FAM135B: variants seen among roughly 807,000 people sequenced by gnomAD.
FAM135B encodes protein FAM135B.
FAM135B carries 43 observed loss-of-function variants against 127.7 expected under a neutral mutation model. That is an observed-to-expected ratio of 0.34 (90% CI 0.26 to 0.43). FAM135B has a LOEUF of 0.43. Ranked by LOEUF, FAM135B falls within the 20% of genes least tolerant of loss-of-function variation. The probability of loss-of-function intolerance (pLI) is 1.00; values close to 1 mark genes in which losing one functional copy is unlikely to be tolerated. For synonymous variants in FAM135B, 670 were observed against 665.1 expected, an observed-to-expected ratio of 1.01 and a Z score of -0.11; for missense variants, 1,558 against 1,725.6, an observed-to-expected ratio of 0.90 and a Z score of 1.72.
At chr8:138,251,104 C>T (rs1233942275) in intron 5 of FAM135B, 90 bp from the exon 6 acceptor site, 3 of 1,430,176 alleles carry the variant, frequency 2.1e-6, no homozygotes, top group Non-Finnish European at 2.9e-6. Flanking sequence ...CTCCATGGGC[C>T]AAGCACCATG....
chr8:138,165,489 T>C (rs936053284), intron 12 of FAM135B, among the ~76,000 whole-genome samples: 4 of 152,088 alleles, frequency 2.6e-5, no homozygotes, highest in Admixed American at 2.6e-4. Flanking sequence ...GGGACTGAGA[T>C]TCATATTCAC....
chr8:138,279,199 G>A (rs1824073411), intron 3 of FAM135B, among the ~76,000 whole-genome samples: 1 of 152,166 alleles, frequency 6.6e-6, no homozygotes, highest in African/African-American at 2.4e-5. Flanking sequence ...CACAGGCAGA[G>A]TAATTGCTCC....
At chr8:138,480,315 A>C (rs1814722960) in intron 1 of FAM135B, among the ~76,000 whole-genome samples, 1 of 152,124 alleles carries the variant, frequency 6.6e-6, no homozygotes, top group African/African-American at 2.4e-5. Context: ...GAAACCTCAA[A>C]GTTAGTTATT....
chr8:138,356,009 T>C (rs1467026322), intron 2 of FAM135B, among the ~76,000 whole-genome samples: 1 of 152,106 alleles, frequency 6.6e-6, no homozygotes, highest in East Asian at 1.9e-4. Context: ...GGAACTAGCT[T>C]AAGCTTTTTC....
At chr8:138,442,643 T>C (rs1519387) in intron 1 of FAM135B, among the ~76,000 whole-genome samples, 68,134 of 151,610 alleles carry the variant, frequency 0.45, 16,049 homozygotes, top group African/African-American at 0.49. Context: ...TCAAAAACAT[T>C]CTGGAGAGTA....
intron 1 of FAM135B, among the ~76,000 whole-genome samples, chr8:138,453,057 T>C (rs1836581836): frequency 6.6e-6 from 1 of 151,962 alleles, no homozygotes; most frequent in Non-Finnish European, 1.5e-5. Context: ...TAGAATACAA[T>C]ATCAGGAAGT....
intron 14 of FAM135B, among the ~76,000 whole-genome samples, chr8:138,146,614 G>C (rs369481336): frequency 5.9e-5 from 9 of 152,190 alleles, no homozygotes; most frequent in Admixed American, 3.9e-4. Flanking sequence ...AGTGGCCATC[G>C]GGGCAGAGGA....
intron 2 of FAM135B, among the ~76,000 whole-genome samples, chr8:138,336,750 C>T (rs1266273539): frequency 1.3e-5 from 2 of 152,208 alleles, no homozygotes; most frequent in Non-Finnish European, 2.9e-5. Flanking sequence ...CTCCCTAACT[C>T]ATTTTATGAG....
intron 3 of FAM135B, among the ~76,000 whole-genome samples, chr8:138,271,591 G>T (rs950661290): frequency 6.6e-6 from 1 of 152,076 alleles, no homozygotes; most frequent in African/African-American, 2.4e-5. Context: ...TCCCATCATT[G>T]TCCGACTCCA....
chr8:138,229,088 A>T (rs1819706833), intron 7 of FAM135B, among the ~76,000 whole-genome samples: 1 of 152,104 alleles, frequency 6.6e-6, no homozygotes, highest in Non-Finnish European at 1.5e-5. Context: ...TCACATGGAA[A>T]TCGGCAATGC....
rs143986926 is a variant in FAM135B, at chr8:138,229,767, C to A, written c.669+13175G>T. On this transcript the variant is annotated intron_variant, in intron 7 of 19. Transcript: ENST00000395297. ...GGCTGGGGAGGCCTCAAGAAACTTACAATCATGGCAAATGGCACCTCTTCT... is the reference window on the plus strand; with the variant it reads ...GGCTGGGGAGGCCTCAAGAAACTTAAAATCATGGCAAATGGCACCTCTTCT... Among the ~76,000 whole-genome samples, 829 of 152,250 alleles carry A rather than the reference C, an allele frequency of 5.4e-3. 13 individuals carry two copies. Among genetic ancestry groups the A allele is most frequent in the African/African-American group, 0.019 (791 of 41,542 alleles).
At chr8:138,459,902 C>T (rs1181024270) in intron 1 of FAM135B, among the ~76,000 whole-genome samples, 2 of 151,012 alleles carry the variant, frequency 1.3e-5, no homozygotes, top group Admixed American at 1.3e-4. Flanking sequence ...CCCAGGCAGC[C>T]TAAGGGAGTT....
chr8:138,435,303 A>G (rs547602860), intron 1 of FAM135B, among the ~76,000 whole-genome samples: 3 of 152,188 alleles, frequency 2.0e-5, no homozygotes, highest in African/African-American at 7.2e-5. Flanking sequence ...TCTCAAAAAA[A>G]TAAAAAGAAA....
At chr8:138,263,344 T>C (rs1822683421) in intron 4 of FAM135B, among the ~76,000 whole-genome samples, 1 of 151,526 alleles carries the variant, frequency 6.6e-6, no homozygotes, top group African/African-American at 2.4e-5. Flanking sequence ...GCCTGGGGAG[T>C]GAACAGTCTG....
chr8:138,169,306 A>T (rs1820217349), intron 11 of FAM135B, among the ~76,000 whole-genome samples: 1 of 151,940 alleles, frequency 6.6e-6, no homozygotes, highest in Non-Finnish European at 1.5e-5. Context: ...AATTCTCGGA[A>T]TATTTAACTC....
At chr8:138,292,913 T>G (rs376308723) in intron 3 of FAM135B, among the ~76,000 whole-genome samples, 94 of 152,184 alleles carry the variant, frequency 6.2e-4, no homozygotes, top group African/African-American at 2.0e-3. Flanking sequence ...CTAAACTTCA[T>G]GTGGAACCAA....
chr8:138,152,866 A>C lies in FAM135B; in HGVS notation c.1609T>G (p.Ser537Ala), dbSNP rs753764774. 3.7e-6 allele frequency: 6 copies of C among 1,614,098 alleles called. No individual in the cohort carries two copies. The Admixed American group carries it at 8.3e-5, about 22-fold the overall frequency. Residue 537 changes from serine to alanine, a missense_variant, in exon 13 of 20, where the codon TCT (serine) becomes GCT (alanine). Physicochemically the swap from Ser to Ala is moderately conservative, Grantham distance 99. This residue lies in a region of FAM135B where 923 missense variants were observed against 865.3 expected (regional missense o/e 1.07). Coordinates refer to ENST00000395297, the MANE Select transcript of FAM135B (RefSeq NM_015912.4). ...TCCTCTGGACCTGGACTCCTTCTAGAAGTATCCACATCTGCCACTGGATAT... is the reference window on the plus strand; with the variant it reads ...TCCTCTGGACCTGGACTCCTTCTAGCAGTATCCACATCTGCCACTGGATAT... Reference protein sequence around the residue: ...GTYPVADVDTSRRSPGPEDGQ... With the variant: ...GTYPVADVDTARRSPGPEDGQ...
At chr8:138,437,357 T>C (rs748711443) in intron 1 of FAM135B, 16 of 152,106 alleles carry the variant, frequency 1.1e-4, no homozygotes, top group African/African-American at 2.7e-4. Context: ...TGGGAGGTAA[T>C]TGGATCATGG....
At chr8:138,404,164 AT>A (rs1427202974) in intron 1 of FAM135B, among the ~76,000 whole-genome samples, 51 of 152,320 alleles carry the variant, frequency 3.3e-4, no homozygotes, top group African/African-American at 1.2e-3. Flanking sequence ...AATAAAATAA[AT>A]AAATAATAAA....
Sources: gnomAD v4.1 joint callset for allele counts (sites outside exome capture counted in the v4.1 genomes callset) on GRCh38, gnomAD v4.1.1 for gene constraint, gnomAD v4.1.1 regional missense constraint, MANE v1.5 for transcripts, NCBI Gene and HGNC (gene_info 2026-07-23, HGNC 2026-07-21) for gene names.